Variants in RANBP6 observed in about 807,000 individuals in gnomAD.
RANBP6 encodes the protein RAN binding protein 6.
In RANBP6, 10 loss-of-function variants were observed where a neutral mutation model predicts 35.3. The observed-to-expected ratio is 0.28, with a 90% CI of 0.17 to 0.48. RANBP6 has a LOEUF of 0.48. Ranked by LOEUF, RANBP6 falls within the 20% of genes least tolerant of loss-of-function variation. The pLI is 0.99. For missense variants in RANBP6, 1,392 were observed against 1,307.7 expected (o/e 1.06, Z -0.99); for synonymous variants, 514 against 464.2 (o/e 1.11, Z -1.38).
Position 6,013,008 on chromosome 9 carries a change from G to A in RANBP6, c.2600C>T (p.Pro867Leu), listed in dbSNP as rs187892114. 1.2e-6 allele frequency: 2 copies of A among 1,613,572 alleles called. No homozygotes were observed. The highest frequency in any genetic ancestry group is 2.7e-5 in the African/African-American group (2 of 75,012). The change falls in exon 1 of 1, where the codon CCA becomes CTA. Residue 867 changes from proline to leucine, a missense_variant. Pro to Leu is a moderately conservative substitution (Grantham distance 98). Coordinates refer to ENST00000259569, the MANE Select transcript of RANBP6 (RefSeq NM_012416.4). The stretch of plus-strand genomic sequence containing the variant: ...TAATGGAAGTAGTTGTTCAAACCAT[G>A]GTAAAATCTTTTCCTTATAAGTACT... The part of the protein sequence containing the change: ...LFSTYKEKIL[P>L]WFEQLLPLIV...
At position 6,015,243 on chromosome 9, in the gene RANBP6, G is replaced by A. The variant is rs1272716735; in HGVS notation, c.365C>T (p.Ala122Val). The change falls in exon 1 of 1, where the codon GCA becomes GTA. Residue 122 changes from alanine to valine, a missense_variant. Transcript: ENST00000259569. ...SMRKKLCDIF[A>V]VLARNLIDED... ...ATCTATCAAATTCCTGGCCAGCACT[G>A]CAAAAATATCACAAAGTTTTTTCCT... 1.9e-6 allele frequency: 3 copies of A among 1,614,002 alleles called. No individual in the cohort carries two copies. Among genetic ancestry groups the A allele is most frequent in the South Asian group, 1.1e-5 (1 of 91,084 alleles).
At position 6,013,714 on chromosome 9, in the gene RANBP6, G is replaced by C. The variant is rs1842519989; in HGVS notation, c.1894C>G (p.Pro632Ala). ...ILGKDFQQYL[P>A]LVIEPLIKTA... ...TTAATAAGAGGCTCGATAACCAGTG[G>C]AAGGTACTGTTGAAAATCTTTTCCA... The change falls in exon 1 of 1, where the codon CCA (proline) becomes GCA (alanine). Residue 632 changes from proline (P) to alanine (A), a missense_variant. Physicochemically the swap from Pro to Ala is conservative, Grantham distance 27. Coordinates refer to ENST00000259569, the MANE Select transcript of RANBP6 (RefSeq NM_012416.4). 6.2e-7 allele frequency: 1 copy of C among 1,614,054 alleles called. No individual in the cohort carries two copies. The highest frequency in any genetic ancestry group is 8.5e-7 in the Non-Finnish European group (1 of 1,179,948).
chr9:6,014,617 T>G lies in RANBP6; in HGVS notation c.991A>C (p.Asn331His), dbSNP rs1842540910. The change falls in exon 1 of 1, where the codon AAT becomes CAT. Residue 331 changes from asparagine (N) to histidine (H), a missense_variant. By Grantham distance (68) the Asn-to-His change is moderately conservative (BLOSUM62 1). Transcript: ENST00000259569. ...TCATCTTCTTCCATTTCATCAGCAT[T>G]TACCCAGTCCTCATCATCTTGTAGA... ...VDLQDDEDWV[N>H]ADEMEEDDFD... The G allele has an allele frequency of 5.0e-6, 8 of 1,614,086 alleles. No individual in the cohort carries two copies. In the East Asian group the frequency reaches 1.6e-4, roughly 31 times the overall value.
Position 6,014,051 on chromosome 9 carries a change from T to C in RANBP6, c.1557A>G (p.Gln519=), listed in dbSNP as rs1842529471. The change falls in exon 1 of 1, where the codon CAA becomes CAG. Residue 519 remains glutamine, a synonymous_variant. Coordinates refer to ENST00000259569, the MANE Select transcript of RANBP6 (RefSeq NM_012416.4). The part of the protein sequence containing the change: ...IRNGTKLALE[Q]LVTTIASVAD... ...CAACTGATGCAATGGTTGTCACAAG[T>C]TGTTCCAAAGCCAACTTAGTTCCAT... 6.2e-7 allele frequency: 1 copy of C among 1,613,696 alleles called. No individual in the cohort carries two copies. The highest frequency in any genetic ancestry group is 1.7e-5 in the Admixed American group (1 of 59,942).
In RANBP6 at chr9:6,012,750, G is replaced by C; in HGVS notation, c.2858C>G (p.Ser953Ter). The C allele has an allele frequency of 6.2e-7, 1 of 1,614,122 alleles. No homozygotes were observed. Among genetic ancestry groups the C allele is most frequent in the Non-Finnish European group, 8.5e-7 (1 of 1,180,018 alleles). ...FGGDDYRSLC[S>*]EAVPLLVKVI... The stretch of plus-strand genomic sequence containing the variant: ...TTTTACCAGAAGTGGAACAGCTTCT[G>C]AACATAAAGAACGATAATCATCTCC... The change falls in exon 1 of 1, where the codon TCA becomes TGA. Residue 953 changes from serine (S) to a stop codon, truncating the protein, a stop_gained. Transcript: ENST00000259569. LOFTEE classifies it high-confidence loss of function.
rs1380329923 is a variant in RANBP6 at position 6,015,274 on chromosome 9, T to C, written c.334A>G (p.Ser112Gly). The stretch of plus-strand genomic sequence containing the variant: ...ATATCACAAAGTTTTTTCCTCATGC[T>C]AGCATGTGTTTCTAACTTAACAGCC... ...ILAVKLETHA[S>G]MRKKLCDIFA... The change falls in exon 1 of 1, where the codon AGC becomes GGC. Residue 112 changes from serine (S) to glycine (G), a missense_variant. By Grantham distance (56) the Ser-to-Gly change is moderately conservative. Transcript: ENST00000259569. The C allele has an allele frequency of 3.1e-6, 5 of 1,614,136 alleles. No homozygotes were observed. In the African/African-American group the frequency reaches 4.0e-5, roughly 13 times the overall value.
rs1371859473 is a variant in RANBP6 at position 6,011,042 on chromosome 9, A to AT, written c.*1247dup. ...AATAGAGGTACAAACAACAACAGCA[A>AT]TAACAGCTACAATTTATTGAGCACT... On this transcript the variant is annotated 3_prime_UTR_variant, in exon 1 of 1. Coordinates refer to ENST00000259569, the MANE Select transcript of RANBP6 (RefSeq NM_012416.4). 6 of 152,212 alleles carry AT rather than the reference A, an allele frequency of 3.9e-5. No homozygotes were observed. Among genetic ancestry groups the AT allele is most frequent in the Non-Finnish European group, 5.9e-5 (4 of 68,030 alleles). 9.4% of individuals were successfully genotyped at this position (152,212 alleles called of 1,614,324 possible). A position where few individuals can be genotyped will look rare whatever the true frequency, so the allele number is the denominator to read the frequency against.
In RANBP6 at chr9:6,012,665, G is replaced by A. The variant is rs1282487217; in HGVS notation, c.2943C>T (p.Ile981=). 6.2e-7 allele frequency: 1 copy of A among 1,613,424 alleles called. No homozygotes were observed. ...ACTTCAAAATCTTCCCTATTGCTGA[G>A]ATACAGTTCTCTGTAGCAATGACAT... ...KKNVIATENC[I]SAIGKILKFK... The change falls in exon 1 of 1, where the codon ATC becomes ATT. Residue 981 remains isoleucine, a synonymous_variant. Coordinates refer to ENST00000259569, the MANE Select transcript of RANBP6 (RefSeq NM_012416.4).
rs199840895 is a variant in RANBP6, at chr9:6,015,163, A to G, written c.445T>C (p.Tyr149His). ...EGLKFLIDSIYSKNVVLWEVA... is the reference protein window; with the variant it reads ...EGLKFLIDSIHSKNVVLWEVA... The stretch of plus-strand genomic sequence containing the variant: ...TCCCATAGAACCACATTTTTGGAGT[A>G]GATTGAATCAATAAGAAACTTCAGA... The change falls in exon 1 of 1, where the codon TAC (tyrosine) becomes CAC (histidine). Residue 149 changes from tyrosine (Y) to histidine (H), a missense_variant. Tyr to His is a moderately conservative substitution (Grantham distance 83). Transcript: ENST00000259569. 1.9e-6 allele frequency: 3 copies of G among 1,614,060 alleles called. No individual in the cohort carries two copies. The highest frequency in any genetic ancestry group is 1.3e-5 in the African/African-American group (1 of 74,940).
In RANBP6 at chr9:6,015,387, A is replaced by G. The variant is rs750929612; in HGVS notation, c.221T>C (p.Leu74Pro). ...YEVRQMAAAL[L>P]RRLLSSGFEE... ...AAACCCAGAGGACAAAAGCCGTCGTAGCAGTGCGGCAGCCATTTGTCTCAC... is the reference window on the plus strand; with the variant it reads ...AAACCCAGAGGACAAAAGCCGTCGTGGCAGTGCGGCAGCCATTTGTCTCAC... Residue 74 changes from leucine to proline, a missense_variant, in exon 1 of 1, where the codon CTA becomes CCA. By Grantham distance (98) the Leu-to-Pro change is moderately conservative (BLOSUM62 -3). Coordinates refer to ENST00000259569, the MANE Select transcript of RANBP6 (RefSeq NM_012416.4). The G allele has an allele frequency of 6.2e-7, 1 of 1,614,230 alleles. No individual in the cohort carries two copies. The highest frequency in any genetic ancestry group is 8.5e-7 in the Non-Finnish European group (1 of 1,180,032).
Position 6,013,606 on chromosome 9 carries a change from C to A in RANBP6, c.2002G>T (p.Val668Leu). 3 of 1,614,214 alleles carry A rather than the reference C, an allele frequency of 1.9e-6. No individual in the cohort carries two copies. The highest frequency in any genetic ancestry group is 2.5e-6 in the Non-Finnish European group (3 of 1,180,042). ...NMSDDDGWQF[V>L]NLGDQQSFGI... The stretch of plus-strand genomic sequence containing the variant: ...AAACTCTGCTGGTCTCCAAGATTTA[C>A]AAATTGCCAGCCATCATCGTCACTC... Residue 668 changes from valine to leucine, a missense_variant, in exon 1 of 1, where the codon GTA (valine) becomes TTA (leucine). Coordinates refer to ENST00000259569, the MANE Select transcript of RANBP6 (RefSeq NM_012416.4).
Position 6,013,414 on chromosome 9 carries a change from C to T in RANBP6, c.2194G>A (p.Ala732Thr). 1 of 1,614,236 alleles carries T rather than the reference C, an allele frequency of 6.2e-7. No homozygotes were observed. The highest frequency in any genetic ancestry group is 1.3e-5 in the African/African-American group (1 of 75,064). The stretch of plus-strand genomic sequence containing the variant: ...TCCAGGAGAAAAGGCATGGACTCTG[C>T]TGCTGCCACTCGAACATTGTCATGG... Reference protein sequence around the residue: ...YFHDNVRVAAAESMPFLLECA... With the variant: ...YFHDNVRVAATESMPFLLECA... Residue 732 changes from alanine to threonine, a missense_variant, in exon 1 of 1, where the codon GCA (alanine) becomes ACA (threonine). Ala to Thr is a moderately conservative substitution (Grantham distance 58). Coordinates refer to ENST00000259569, the MANE Select transcript of RANBP6 (RefSeq NM_012416.4).
rs778006531 is a variant in RANBP6 at position 6,013,547 on chromosome 9, T to A, written c.2061A>T (p.Ala687=). Residue 687 remains alanine, a synonymous_variant, in exon 1 of 1, where the codon GCA becomes GCT. Transcript: ENST00000259569. ...AGTAAACCAACATTTGGCAAGCAGT[T>A]GCTTTTGCTTCAAGTCCTGAAGTTT... ...GIKTSGLEAK[A]TACQMLVYYA... is the part of the protein sequence containing the mutation. The A allele has an allele frequency of 6.2e-7, 1 of 1,614,230 alleles. No individual in the cohort carries two copies. Among genetic ancestry groups the A allele is most frequent in the Non-Finnish European group, 8.5e-7 (1 of 1,180,024 alleles).
Position 6,012,242 on chromosome 9 carries a change from T to A in RANBP6, c.*48A>T, listed in dbSNP as rs201281364. 7.7e-7 allele frequency: 1 copy of A among 1,304,868 alleles called. No homozygotes were observed. Among genetic ancestry groups the A allele is most frequent in the East Asian group, 2.5e-5 (1 of 39,726 alleles). The allele number at this position is 1,304,868 out of a possible 1,614,324, so 80.8% of individuals were successfully genotyped here. ...AATAAAATCTATTCACAACACTTATTTGTAGTTACTTTTATAATAGATAAT... is the reference window on the plus strand; with the variant it reads ...AATAAAATCTATTCACAACACTTATATGTAGTTACTTTTATAATAGATAAT... On this transcript the variant is annotated 3_prime_UTR_variant, in exon 1 of 1. Transcript: ENST00000259569.
chr9:6,012,864 C>T lies in RANBP6; in HGVS notation c.2744G>A (p.Arg915Gln), dbSNP rs143934145. Residue 915 changes from arginine to glutamine, a missense_variant, in exon 1 of 1, where the codon CGG (arginine) becomes CAG (glutamine). Transcript: ENST00000259569. Reference sequence around the variant, plus strand: ...TCGCATATTTAGTAGCATTGGCCACCGAAAATATTCTACATATTTAAATGA... The same window carrying T: ...TCGCATATTTAGTAGCATTGGCCACTGAAAATATTCTACATATTTAAATGA... ...PTSFKYVEYFRWPMLLNMRDN... is the reference protein window; with the variant it reads ...PTSFKYVEYFQWPMLLNMRDN... 9 of 1,613,704 alleles carry T rather than the reference C, an allele frequency of 5.6e-6. No homozygotes were observed. The highest frequency in any genetic ancestry group is 1.7e-5 in the Admixed American group (1 of 59,966).
Position 6,013,514 on chromosome 9 carries a change from C to G in RANBP6, c.2094G>C (p.Lys698Asn), listed in dbSNP as rs1436360937. Residue 698 changes from lysine to asparagine, a missense_variant, in exon 1 of 1, where the codon AAG becomes AAC. Transcript: ENST00000259569. ...ATTCCACAAACCCTTCCCTTAACTC[C>G]TTAGCATAGTAAACCAACATTTGGC... ...TACQMLVYYA[K>N]ELREGFVEYT... 1 of 1,614,224 alleles carries G rather than the reference C, an allele frequency of 6.2e-7. No homozygotes were observed. The highest frequency in any genetic ancestry group is 1.1e-5 in the South Asian group (1 of 91,086).
Position 6,014,783 on chromosome 9 carries a change from T to C in RANBP6, c.825A>G (p.Gly275=), listed in dbSNP as rs1842544330. The part of the protein sequence containing the change: ...DTLQLSLKLC[G]DSRLSNLQRQ... Reference sequence around the variant, plus strand: ...GCTGCAGATTACTAAGCCTAGAGTCTCCACATAACTTCAAACTCAACTGTA... The same window carrying C: ...GCTGCAGATTACTAAGCCTAGAGTCCCCACATAACTTCAAACTCAACTGTA... Residue 275 remains glycine, a synonymous_variant, in exon 1 of 1, where the codon GGA becomes GGG. Transcript: ENST00000259569. The C allele has an allele frequency of 1.2e-6, 2 of 1,614,190 alleles. No homozygotes were observed. Among genetic ancestry groups the C allele is most frequent in the Non-Finnish European group, 1.7e-6 (2 of 1,180,042 alleles).
At position 6,014,134 on chromosome 9, in the gene RANBP6, T is replaced by C. The variant is rs1842531385; in HGVS notation, c.1474A>G (p.Ser492Gly). 1 of 1,614,064 alleles carries C rather than the reference T, an allele frequency of 6.2e-7. No homozygotes were observed. The highest frequency in any genetic ancestry group is 1.3e-5 in the African/African-American group (1 of 75,070). ...PKSLLVLYVD[S>G]MVKNLHSVLV... is the part of the protein sequence containing the mutation. ...ACGGAATGTAGATTTTTCACCATAC[T>C]ATCCACATATAGAACTAGCAATGAT... is the stretch of plus-strand genomic sequence containing the variant. The change falls in exon 1 of 1, where the codon AGT (serine) becomes GGT (glycine). Residue 492 changes from serine (S) to glycine (G), a missense_variant. Coordinates refer to ENST00000259569, the MANE Select transcript of RANBP6 (RefSeq NM_012416.4).
Position 6,013,180 on chromosome 9 carries a change from C to G in RANBP6, c.2428G>C (p.Glu810Gln). The change falls in exon 1 of 1, where the codon GAA becomes CAA. Residue 810 changes from glutamate to glutamine, a missense_variant. By Grantham distance (29) the Glu-to-Gln change is conservative. Coordinates refer to ENST00000259569, the MANE Select transcript of RANBP6 (RefSeq NM_012416.4). ...AATTCTTGGTTTTTAAAGTGCCCTTCAAGTTTTGCTTTCAGTATTCCTCCC... is the reference window on the plus strand; with the variant it reads ...AATTCTTGGTTTTTAAAGTGCCCTTGAAGTTTTGCTTTCAGTATTCCTCCC... ...ELGGILKAKL[E>Q]GHFKNQELRQ... 1 of 1,613,950 alleles carries G rather than the reference C, an allele frequency of 6.2e-7. No homozygotes were observed. Among genetic ancestry groups the G allele is most frequent in the South Asian group, 1.1e-5 (1 of 91,042 alleles).
Sources: allele counts gnomAD v4.1 joint callset, GRCh38; gene constraint gnomAD v4.1.1; transcripts MANE v1.5; gene names NCBI Gene and HGNC (gene_info 2026-07-23, HGNC 2026-07-21).